TRIM66: variants seen among roughly 807,000 people sequenced by gnomAD.
TRIM66 encodes tripartite motif containing 66.
TRIM66 carries 99 observed loss-of-function variants against 148.2 expected under a neutral mutation model. That is an observed-to-expected ratio of 0.67 (90% confidence interval 0.57 to 0.79). The LOEUF (loss-of-function observed/expected upper bound fraction) is 0.79. Ranked by LOEUF, TRIM66 falls within the 30% of genes least tolerant of loss-of-function variation. The pLI is 0.00. For missense variants in TRIM66, 1,666 were observed against 1,697.9 expected, an observed-to-expected ratio of 0.98 and a Z score of 0.33; for synonymous variants, 616 against 635.9, an observed-to-expected ratio of 0.97 and a Z score of 0.47.
intron 6 of TRIM66, among the ~76,000 whole-genome samples, chr11:8,655,935 G>A (rs962179930): frequency 1.3e-5 from 2 of 152,260 alleles, no homozygotes; most frequent in Non-Finnish European, 2.9e-5. Context: ...GGATTTAAGA[G>A]ATTAGCCCTC....
At chr11:8,683,189 T>G (rs944867480), upstream of TRIM66, 1 of 1,613,764 alleles carries the variant, frequency 6.2e-7, no homozygotes, top group African/African-American at 1.3e-5. Context: ...ACCACCAAGC[T>G]TTTTCCACAC....
intron 14 of TRIM66, 128 bp from the exon 15 acceptor site, chr11:8,638,943 A>C: frequency 1.0e-6 from 1 of 994,206 alleles, no homozygotes; most frequent in South Asian, 1.8e-5. Flanking sequence ...TGGACTGCTT[A>C]AACGTTTTCC....
intron 6 of TRIM66, among the ~76,000 whole-genome samples, chr11:8,664,249 C>G (rs901034725): frequency 3.3e-5 from 5 of 152,090 alleles, no homozygotes; most frequent in African/African-American, 1.2e-4. Flanking sequence ...TAAATACATA[C>G]AGTTTTACAT....
intron 18 of TRIM66, 131 bp from the exon 19 acceptor site, chr11:8,621,950 GT>G: frequency 1.0e-6 from 1 of 960,236 alleles, no homozygotes; most frequent in Non-Finnish European, 1.5e-6. Flanking sequence ...AGGATACAAA[GT>G]ATTTATCCTG....
In TRIM66 at chr11:8,624,530, G is replaced by A. The variant is rs115716718; in HGVS notation, c.2848C>T (p.Arg950Cys). ...LCKMESEDST[R>C]FTDLLGQGPI... is the part of the protein sequence containing the mutation. ...CCTTGTCCCAGTAAGTCAGTGAAGC[G>A]AGTGGAATCCTCACTTTCCATCTTT... is the stretch of plus-strand genomic sequence containing the variant. Residue 950 changes from arginine to cysteine, a missense_variant, in exon 17 of 25, where the codon CGC (arginine) becomes TGC (cysteine). Transcript: ENST00000646038. 1.4e-5 allele frequency: 21 copies of A among 1,530,536 alleles called. No individual in the cohort carries two copies. Among genetic ancestry groups the A allele is most frequent in the African/African-American group, 2.8e-5 (2 of 71,718 alleles). 94.8% of individuals were successfully genotyped at this position (1,530,536 alleles called of 1,614,324 possible). A position where few individuals can be genotyped will look rare whatever the true frequency, so the allele number is the denominator to read the frequency against.
At position 8,617,949 on chromosome 11, in the gene TRIM66, C is replaced by T. The variant is rs996396267; in HGVS notation, c.4174G>A (p.Val1392Met). ...GCCCAGTCTCCTTTTGGCTCTCACA[C>T]CTGAGAGATGCTGTTGGCCAGGCGA... ...SFRLANSISQ[V>M] The change falls in exon 25 of 25, where the codon GTG (valine) becomes ATG (methionine). Residue 1392 changes from valine (V) to methionine (M), a missense_variant. By Grantham distance (21) the Val-to-Met change is conservative. Transcript: ENST00000646038. The T allele has an allele frequency of 1.9e-6, 3 of 1,551,574 alleles. No homozygotes were observed. Among genetic ancestry groups the T allele is most frequent in the South Asian group, 1.2e-5 (1 of 84,064 alleles).
At position 8,624,411 on chromosome 11, in the gene TRIM66, C is replaced by T; in HGVS notation, c.2967G>A (p.Leu989=). The T allele has an allele frequency of 6.4e-7, 1 of 1,551,612 alleles. No homozygotes were observed. The highest frequency in any genetic ancestry group is 8.7e-7 in the Non-Finnish European group (1 of 1,146,984). Residue 989 remains leucine (L), a synonymous_variant, in exon 17 of 25, where the codon CTG becomes CTA. Coordinates refer to ENST00000646038, the MANE Select transcript of TRIM66 (RefSeq NM_001388022.1). ...PINLSVKKPP[L]APVVSTSTAL... ...CTGTAGACGTGCTGACCACTGGCGC[C>T]AGTGGAGGTTTCTTCACAGAGAGGT...
At position 8,678,965 on chromosome 11, in the gene TRIM66, A is replaced by C. The variant is rs150954630; in HGVS notation, c.-190+655T>G. Reference sequence around the variant, plus strand: ...CTGTCTGGTATCATCTCTTCCGTTCATTTCTGAGGTATTTTCTGAGGCCCT... The same window carrying C: ...CTGTCTGGTATCATCTCTTCCGTTCCTTTCTGAGGTATTTTCTGAGGCCCT... On this transcript the variant is annotated intron_variant, in intron 3 of 24. Coordinates refer to ENST00000646038, the MANE Select transcript of TRIM66 (RefSeq NM_001388022.1). 10 of 152,282 alleles carry C rather than the reference A, an allele frequency of 6.6e-5. No individual in the cohort carries two copies. The East Asian group carries it at 1.9e-3, about 29-fold the overall frequency. 9.4% of individuals were successfully genotyped at this position (152,282 alleles called of 1,614,324 possible). A position where few individuals can be genotyped will look rare whatever the true frequency, so the allele number is the denominator to read the frequency against.
At chr11:8,630,613 T>C (rs551690406) in intron 15 of TRIM66, among the ~76,000 whole-genome samples, 87 of 152,304 alleles carry the variant, frequency 5.7e-4, no homozygotes, top group African/African-American at 2.1e-3. Flanking sequence ...GAGACAACCC[T>C]GAGCCTACAG....
At chr11:8,629,455 G>A (rs533922642) in intron 15 of TRIM66, among the ~76,000 whole-genome samples, 4 of 152,260 alleles carry the variant, frequency 2.6e-5, no homozygotes, top group East Asian at 1.9e-4. Flanking sequence ...TAAAATCCAC[G>A]TGAGACCACC....
chr11:8,682,749 C>G (rs531382905), upstream of TRIM66: 1 of 1,609,912 alleles, frequency 6.2e-7, no homozygotes, highest in East Asian at 2.2e-5. Flanking sequence ...CGTTTTGCCC[C>G]GCCCCCGTGG....
chr11:8,618,953 C>A lies in TRIM66; in HGVS notation c.3916G>T (p.Ala1306Ser). The A allele has an allele frequency of 6.4e-7, 1 of 1,551,512 alleles. No homozygotes were observed. The highest frequency in any genetic ancestry group is 8.7e-7 in the Non-Finnish European group (1 of 1,146,966). ...ACTTCCAGGCAGCGGCCAGCCTCTG[C>A]AACCTCGGAGTCAGGCTGATGGGGG... ...AKFNYPDSEV[A>S]EAGRCLEVFF... Residue 1306 changes from alanine to serine, a missense_variant, in exon 24 of 25, where the codon GCA becomes TCA. Transcript: ENST00000646038.
chr11:8,664,517 T>C (rs941280493), intron 6 of TRIM66, among the ~76,000 whole-genome samples: 2 of 152,144 alleles, frequency 1.3e-5, no homozygotes, highest in African/African-American at 4.8e-5. Flanking sequence ...TTTTCATCTA[T>C]AAAATGGGAA....
chr11:8,670,747 T>A (rs1350101464), intron 6 of TRIM66, among the ~76,000 whole-genome samples: 1 of 152,226 alleles, frequency 6.6e-6, no homozygotes, highest in African/African-American at 2.4e-5. Context: ...AAACTAAGTT[T>A]ATGTTTAAAA....
chr11:8,625,243 A>C lies in TRIM66; in HGVS notation c.2311-15T>G, dbSNP rs2034707158. ...GAGGTGGAGTGCTGCAGGAACAGAG[A>C]CAAGGGGTAGAGTCAGGCTGCTAGC... On this transcript the variant is annotated splice_polypyrimidine_tract_variant and intron_variant, in intron 15 of 24. Transcript: ENST00000646038. 1 of 1,484,752 alleles carries C rather than the reference A, an allele frequency of 6.7e-7. No individual in the cohort carries two copies. Among genetic ancestry groups the C allele is most frequent in the African/African-American group, 1.4e-5 (1 of 71,534 alleles). The allele number at this position is 1,484,752 out of a possible 1,614,324, so 92.0% of individuals were successfully genotyped here.
At chr11:8,679,120 G>C (rs1337274059) in intron 3 of TRIM66, 1 of 152,212 alleles carries the variant, frequency 6.6e-6, no homozygotes, top group Non-Finnish European at 1.5e-5. Flanking sequence ...TAGCTGGGAG[G>C]GACAGGTCCC....
chr11:8,624,362 T>G lies in TRIM66; in HGVS notation c.3016A>C (p.Lys1006Gln), dbSNP rs1178609161. The change falls in exon 17 of 25, where the codon AAA becomes CAA. Residue 1006 changes from lysine (K) to glutamine (Q), a missense_variant. Around this residue, in one of 3 missense-constraint regions of TRIM66, gnomAD observed 1,431 missense variants for 1,412.4 expected, o/e 1.01. Transcript: ENST00000646038. ...STALQQYQNP[K>Q]ECENFEQGAL... Reference sequence around the variant, plus strand: ...GGGCAGGCTGCTTGAGTCTCACCTTTTGGGTTCTGGTACTGCTGCAGAGCT... The same window carrying G: ...GGGCAGGCTGCTTGAGTCTCACCTTGTGGGTTCTGGTACTGCTGCAGAGCT... The G allele has an allele frequency of 6.5e-7, 1 of 1,549,918 alleles. No homozygotes were observed. Among genetic ancestry groups the G allele is most frequent in the Non-Finnish European group, 8.7e-7 (1 of 1,146,588 alleles).
At chr11:8,671,095 A>G (rs2038906150) in intron 6 of TRIM66, among the ~76,000 whole-genome samples, 1 of 152,202 alleles carries the variant, frequency 6.6e-6, no homozygotes, top group Admixed American at 6.5e-5. Context: ...GAGAGCCTAG[A>G]TTTGTGCTTC....
Position 8,621,028 on chromosome 11 carries a change from T to C in TRIM66, c.3545+4A>G. On this transcript the variant is annotated splice_donor_region_variant and intron_variant, in intron 20 of 24. Coordinates refer to ENST00000646038, the MANE Select transcript of TRIM66 (RefSeq NM_001388022.1). Reference sequence around the variant, plus strand: ...GGTGATGGTCCTGGACTGGCATGACTCACCCTGGGAAGCTGAGCAAGGCTG... The same window carrying C: ...GGTGATGGTCCTGGACTGGCATGACCCACCCTGGGAAGCTGAGCAAGGCTG... 1 of 1,550,782 alleles carries C rather than the reference T, an allele frequency of 6.4e-7. No individual in the cohort carries two copies. Among genetic ancestry groups the C allele is most frequent in the Non-Finnish European group, 8.7e-7 (1 of 1,146,446 alleles).
Sources: gnomAD v4.1 joint callset for allele counts (sites outside exome capture counted in the v4.1 genomes callset) on GRCh38, gnomAD v4.1.1 for gene constraint, gnomAD v4.1.1 regional missense constraint, MANE v1.5 for transcripts, NCBI Gene and HGNC (gene_info 2026-07-23, HGNC 2026-07-21) for gene names.